Variants in FRMD4A observed in about 807,000 individuals in gnomAD.
FRMD4A encodes the protein FERM domain-containing protein 4A.
FRMD4A carries 29 observed loss-of-function variants against 129.1 expected under a neutral mutation model. The observed-to-expected ratio is 0.22, with a 90% CI of 0.17 to 0.31. The LOEUF (loss-of-function observed/expected upper bound fraction) is 0.31. Ranked by LOEUF, FRMD4A falls within the 10% of genes least tolerant of loss-of-function variation. FRMD4A has a pLI of 1.00. For missense variants in FRMD4A, 1,272 were observed against 1,375.8 expected, an observed-to-expected ratio of 0.92 and a Z score of 1.19; for synonymous variants, 634 against 571.6, an observed-to-expected ratio of 1.11 and a Z score of -1.56.
intron 2 of FRMD4A, among the ~76,000 whole-genome samples, chr10:14,199,462 T>A (rs910156863): frequency 6.6e-6 from 1 of 151,952 alleles, no homozygotes; most frequent in Non-Finnish European, 1.5e-5. Flanking sequence ...CAATCTCAAC[T>A]CACTGCAATC....
chr10:13,866,590 T>C (rs2094370564), intron 2 of FRMD4A, among the ~76,000 whole-genome samples: 1 of 152,132 alleles, frequency 6.6e-6, no homozygotes, highest in Admixed American at 6.6e-5. Context: ...CAGGAGGAGA[T>C]GAATGAATGT....
At chr10:13,664,299 A>G (rs146627923) in intron 18 of FRMD4A, among the ~76,000 whole-genome samples, 1 of 152,262 alleles carries the variant, frequency 6.6e-6, no homozygotes, top group East Asian at 1.9e-4. Context: ...TTCTATAGGA[A>G]ACATGTTTCT....
chr10:13,807,258 T>C (rs114911180), intron 4 of FRMD4A, among the ~76,000 whole-genome samples: 547 of 152,310 alleles, frequency 3.6e-3, no homozygotes, highest in African/African-American at 0.012. Context: ...AGGACAGAGT[T>C]AGTAAAAATA....
At chr10:14,320,955 C>T (rs1248027993) in intron 2 of FRMD4A, among the ~76,000 whole-genome samples, 1 of 152,232 alleles carries the variant, frequency 6.6e-6, no homozygotes, top group Non-Finnish European at 1.5e-5. Context: ...AGAAGGCGTC[C>T]TCAGTCACTC....
chr10:13,994,318 T>C (rs2095614892), intron 2 of FRMD4A, among the ~76,000 whole-genome samples: 1 of 151,774 alleles, frequency 6.6e-6, no homozygotes, highest in South Asian at 2.1e-4. Flanking sequence ...TAGCTGGGAC[T>C]ACAGGCGTGC....
chr10:13,666,296 C>A lies in FRMD4A; in HGVS notation c.1404G>T (p.Glu468Asp). 1 of 1,614,086 alleles carries A rather than the reference C, an allele frequency of 6.2e-7. No homozygotes were observed. Among genetic ancestry groups the A allele is most frequent in the Non-Finnish European group, 8.5e-7 (1 of 1,179,936 alleles). The change falls in exon 18 of 25, where the codon GAG becomes GAT. Residue 468 changes from glutamate (E) to aspartate (D), a missense_variant. Transcript: ENST00000357447. ...EEAELERLER[E>D]FAIQSQITEA... Reference sequence around the variant, plus strand: ...CCGTAATCTGGGACTGAATGGCAAACTCTCGTTCCAGGCGTTCCAGCTCAG... The same window carrying A: ...CCGTAATCTGGGACTGAATGGCAAAATCTCGTTCCAGGCGTTCCAGCTCAG...
chr10:13,741,523 C>T (rs1454315138), intron 9 of FRMD4A, among the ~76,000 whole-genome samples: 2 of 152,066 alleles, frequency 1.3e-5, no homozygotes, highest in African/African-American at 2.4e-5. Flanking sequence ...GAAATGGTAC[C>T]GTGGGAACAA....
intron 2 of FRMD4A, among the ~76,000 whole-genome samples, chr10:14,265,614 G>T (rs944280481): frequency 2.0e-5 from 3 of 152,182 alleles, no homozygotes; most frequent in African/African-American, 7.2e-5. Flanking sequence ...CAAAACTGAC[G>T]ATTTCTCTAG....
At chr10:13,834,720 G>A (rs1200592508) in intron 3 of FRMD4A, among the ~76,000 whole-genome samples, 1 of 152,130 alleles carries the variant, frequency 6.6e-6, no homozygotes, top group African/African-American at 2.4e-5. Flanking sequence ...CTCCACAGGG[G>A]GTGAACAGGG....
At chr10:14,012,598 C>T (rs189529414) in intron 2 of FRMD4A, among the ~76,000 whole-genome samples, 47 of 152,226 alleles carry the variant, frequency 3.1e-4, no homozygotes, top group Middle Eastern at 3.4e-3. Flanking sequence ...GCCGAGCCAA[C>T]GTGTATGCAC....
intron 2 of FRMD4A, among the ~76,000 whole-genome samples, chr10:14,307,632 A>C (rs1846396230): frequency 6.6e-6 from 1 of 152,226 alleles, no homozygotes; most frequent in Non-Finnish European, 1.5e-5. Flanking sequence ...TGGTCCTTCT[A>C]GCTTGACACC....
chr10:13,885,906 TC>T (rs1429410358), intron 2 of FRMD4A, among the ~76,000 whole-genome samples: 4 of 151,836 alleles, frequency 2.6e-5, no homozygotes, highest in Non-Finnish European at 5.9e-5. Flanking sequence ...CTCCCATCTC[TC>T]CTTCTCTCTC....
At position 13,759,832 on chromosome 10, in the gene FRMD4A, C is replaced by T. The variant is rs148094920; in HGVS notation, c.464+1815G>A. ...CATTATCTATTTAAAAATTTGACTACCACTGCTTTATACCAAAAACTTGGA... is the reference window on the plus strand; with the variant it reads ...CATTATCTATTTAAAAATTTGACTATCACTGCTTTATACCAAAAACTTGGA... On this transcript the variant is annotated intron_variant, in intron 8 of 24. Transcript: ENST00000357447. 4.9e-3 allele frequency among the ~76,000 whole-genome samples: 751 copies of T among 152,152 alleles called. 6 individuals carry two copies. The highest frequency in any genetic ancestry group is 0.017 in the African/African-American group (713 of 41,522).
intron 2 of FRMD4A, among the ~76,000 whole-genome samples, chr10:13,932,187 C>A (rs1333838576): frequency 6.6e-6 from 1 of 152,204 alleles, no homozygotes; most frequent in Non-Finnish European, 1.5e-5. Context: ...TGGTCCTCTG[C>A]TTTGTCCTTG....
At chr10:14,289,558 A>AT (rs1028539610) in intron 2 of FRMD4A, among the ~76,000 whole-genome samples, 1 of 152,012 alleles carries the variant, frequency 6.6e-6, no homozygotes, top group African/African-American at 2.4e-5. Flanking sequence ...TGTTTTGCAA[A>AT]TTTTTTTACA....
chr10:13,781,766 C>T (rs1240770245), intron 6 of FRMD4A, among the ~76,000 whole-genome samples: 3 of 152,044 alleles, frequency 2.0e-5, no homozygotes, highest in Non-Finnish European at 4.4e-5. Context: ...ATATGAAGTA[C>T]TAGAGTGGTT....
chr10:14,240,840 C>G (rs1328753200), intron 2 of FRMD4A, among the ~76,000 whole-genome samples: 2 of 148,886 alleles, frequency 1.3e-5, no homozygotes, highest in Admixed American at 1.3e-4. Flanking sequence ...GGTATAAAAA[C>G]AAAAAGTAAG....
chr10:14,011,703 G>A (rs2095683054), intron 2 of FRMD4A, among the ~76,000 whole-genome samples: 1 of 152,160 alleles, frequency 6.6e-6, no homozygotes, highest in Non-Finnish European at 1.5e-5. Flanking sequence ...AATTAAGGGT[G>A]AACTGAAAAG....
intron 2 of FRMD4A, chr10:13,971,625 A>G (rs1212618261): frequency 8.0e-7 from 1 of 1,243,268 alleles, no homozygotes; most frequent in East Asian, 5.6e-5. Context: ...CCCATGCTTC[A>G]AAGAAACGAA....
Sources: gnomAD v4.1 joint callset for allele counts (sites outside exome capture counted in the v4.1 genomes callset) on GRCh38, gnomAD v4.1.1 for gene constraint, MANE v1.5 for transcripts, NCBI Gene and HGNC (gene_info 2026-07-23, HGNC 2026-07-21) for gene names.